GPR89B: variants seen among roughly 807,000 people sequenced by gnomAD.
The protein encoded by GPR89B is G protein-coupled receptor 89B.
In GPR89B, 25 loss-of-function variants were observed where a neutral mutation model predicts 52.4. The observed-to-expected ratio is 0.48, with a 90% CI of 0.35 to 0.67. The LOEUF is 0.67. Ranked by LOEUF, GPR89B falls within the 30% of genes least tolerant of loss-of-function variation. The probability of loss-of-function intolerance (pLI) is 0.01; values close to 1 mark genes in which losing one functional copy is unlikely to be tolerated. For missense variants in GPR89B, 146 were observed against 450.2 expected (o/e 0.32, Z 6.11); for synonymous variants, 52 against 151.2 (o/e 0.34, Z 4.81).
the GPR89B span, among the ~76,000 whole-genome samples, chr1:148,007,533 ATCT>A: frequency 6.7e-6 from 1 of 150,108 alleles, no homozygotes; most frequent in South Asian, 2.2e-4. Context: ...AATATTTCAA[ATCT>A]TCTTACAGCT....
the GPR89B span, chr1:148,012,356 T>C: frequency 2.8e-5 from 4 of 143,524 alleles, no homozygotes; most frequent in Non-Finnish European, 6.1e-5. Flanking sequence ...GGAGCAAAGG[T>C]TTAAAAACTC....
chr1:147,972,599 C>T (rs1657551177), intron 10 of GPR89B, among the ~76,000 whole-genome samples: 2 of 151,668 alleles, frequency 1.3e-5, no homozygotes, highest in Non-Finnish European at 2.9e-5. Context: ...TTTTCATGTG[C>T]TTTTTTTCCC....
chr1:147,940,615 CAGA>C (rs1323041182), intron 3 of GPR89B, among the ~76,000 whole-genome samples: 8 of 152,124 alleles, frequency 5.3e-5, no homozygotes, highest in Non-Finnish European at 1.0e-4. Flanking sequence ...TTCTGTGGAC[CAGA>C]AGGTTTCTAT....
intron 1 of GPR89B, among the ~76,000 whole-genome samples, chr1:147,933,901 C>T (rs1398074262): frequency 6.6e-6 from 1 of 152,192 alleles, no homozygotes; most frequent in Non-Finnish European, 1.5e-5. Context: ...ATGCCATTTC[C>T]CTGCTTAAAT....
At chr1:147,992,686 C>G in intron 13 of GPR89B, 25 bp from the exon 14 acceptor site, 1 of 1,296,394 alleles carries the variant, frequency 7.7e-7, no homozygotes, top group Non-Finnish European at 1.1e-6. Flanking sequence ...AGAGTCACTT[C>G]TGGATTAATT....
rs1418928928 is a variant in GPR89B, at chr1:147,958,385, G to A, written c.617+3983G>A. ...AATATATAAAAGTGAAGTCATGACCGGGTACTCATGCCTGTAACCCTAACG... is the reference window on the plus strand; with the variant it reads ...AATATATAAAAGTGAAGTCATGACCAGGTACTCATGCCTGTAACCCTAACG... On this transcript the variant is annotated intron_variant, in intron 7 of 13. Coordinates refer to ENST00000314163, the MANE Select transcript of GPR89B (RefSeq NM_016334.5). 1.7e-3 allele frequency among the ~76,000 whole-genome samples: 259 copies of A among 150,874 alleles called. 5 individuals carry two copies. The highest frequency in any genetic ancestry group is 6.2e-3 in the African/African-American group (254 of 40,804).
chr1:148,004,918 CACACACAT>C, the GPR89B span, among the ~76,000 whole-genome samples: 2 of 125,510 alleles, frequency 1.6e-5, no homozygotes, highest in African/African-American at 6.0e-5. Flanking sequence ...CACACACACA[CACACACAT>C]AAAAATTAGC....
At chr1:147,951,562 AATT>A (rs1253413043) in intron 5 of GPR89B, among the ~76,000 whole-genome samples, 1 of 151,892 alleles carries the variant, frequency 6.6e-6, no homozygotes, top group Non-Finnish European at 1.5e-5. Flanking sequence ...TAGAAAAGAG[AATT>A]GAAACTAAAG....
At chr1:147,964,234 CA>C (rs1377350728) in intron 7 of GPR89B, among the ~76,000 whole-genome samples, 1 of 151,456 alleles carries the variant, frequency 6.6e-6, no homozygotes, top group African/African-American at 2.4e-5. Context: ...ACAATTATTT[CA>C]AAAAGTTTAA....
chr1:147,949,004 C>T (rs1655258708), intron 5 of GPR89B, among the ~76,000 whole-genome samples: 1 of 152,060 alleles, frequency 6.6e-6, no homozygotes. Context: ...TAACAAAGCA[C>T]ATCTTGCACC....
chr1:147,939,691 T>C lies in GPR89B; in HGVS notation c.206+874T>C, dbSNP rs587697995. ...TATACAGATGGTTAATCACAAAACA[T>C]TGAAAGGTTAAAAAAAGAGAGAGGG... On this transcript the variant is annotated intron_variant, in intron 3 of 13. Coordinates refer to ENST00000314163, the MANE Select transcript of GPR89B (RefSeq NM_016334.5). 2.6e-5 allele frequency among the ~76,000 whole-genome samples: 4 copies of C among 152,052 alleles called. No homozygotes were observed. The East Asian group carries it at 7.7e-4, about 29-fold the overall frequency.
chr1:147,929,965 C>T (rs1169127072), intron 1 of GPR89B, among the ~76,000 whole-genome samples: 2 of 152,158 alleles, frequency 1.3e-5, no homozygotes, highest in African/African-American at 2.4e-5. Context: ...TATTTTTAGC[C>T]TTAGTACCAA....
the GPR89B span, chr1:148,025,629 C>A: frequency 6.9e-6 from 1 of 144,926 alleles, no homozygotes; most frequent in Non-Finnish European, 1.5e-5. Context: ...GAAAGCTTAA[C>A]CCCCAACTTG....
At chr1:147,998,914 C>T in the GPR89B span, among the ~76,000 whole-genome samples, 1 of 148,774 alleles carries the variant, frequency 6.7e-6, no homozygotes, top group Non-Finnish European at 1.5e-5. Context: ...AGATTTTATT[C>T]ATGCTTCATT....
the GPR89B span, among the ~76,000 whole-genome samples, chr1:148,013,721 G>A: frequency 6.6e-6 from 1 of 152,004 alleles, no homozygotes; most frequent in Non-Finnish European, 1.5e-5. Context: ...GAAGCAGCAA[G>A]GGAAGGGGTC....
chr1:147,987,195 C>T (rs1354624591), intron 11 of GPR89B, among the ~76,000 whole-genome samples: 1 of 152,138 alleles, frequency 6.6e-6, no homozygotes, highest in Non-Finnish European at 1.5e-5. Flanking sequence ...AACATGATAT[C>T]TTTTCTTCAA....
intron 1 of GPR89B, among the ~76,000 whole-genome samples, chr1:147,935,142 T>C (rs1413244707): frequency 7.9e-5 from 12 of 152,158 alleles, no homozygotes; most frequent in Non-Finnish European, 8.8e-5. Context: ...TTTATCTGCA[T>C]TTGGGAGGGC....
At chr1:147,975,656 T>C (rs1463998118) in intron 10 of GPR89B, among the ~76,000 whole-genome samples, 1 of 152,246 alleles carries the variant, frequency 6.6e-6, no homozygotes, top group Non-Finnish European at 1.5e-5. Context: ...CTCTATCTCC[T>C]GCAGTTCTGC....
At chr1:147,981,023 A>T (rs2149087971) in intron 10 of GPR89B, among the ~76,000 whole-genome samples, 1 of 151,378 alleles carries the variant, frequency 6.6e-6, no homozygotes, top group African/African-American at 2.4e-5. Flanking sequence ...ATTTAGCATA[A>T]TGGGGTTGGG....
Sources: gnomAD v4.1 joint callset for allele counts (sites outside exome capture counted in the v4.1 genomes callset) on GRCh38, gnomAD v4.1.1 for gene constraint, MANE v1.5 for transcripts, NCBI Gene and HGNC (gene_info 2026-07-23, HGNC 2026-07-21) for gene names.